Variants in GAMT observed in about 807,000 individuals in gnomAD.
The protein encoded by GAMT is epididymis secretory protein Li 20.
GAMT carries 26 observed loss-of-function variants against 26.9 expected under a neutral mutation model. The ratio of observed to expected loss-of-function variants is 0.97; its 90% confidence interval spans 0.71 to 1.34. GAMT has a LOEUF of 1.34. Ranked by LOEUF, GAMT falls within the 40% of genes most tolerant of loss-of-function variation. The pLI is 0.00. For synonymous variants in GAMT, 169 were observed against 149.6 expected (o/e 1.13, Z -0.95); for missense variants, 412 against 345.0 (o/e 1.19, Z -1.54).
In GAMT at chr19:1,399,205, G is replaced by C; in HGVS notation, c.392-10C>G. 1.2e-6 allele frequency: 2 copies of C among 1,613,372 alleles called. No individual in the cohort carries two copies. Among genetic ancestry groups the C allele is most frequent in the Non-Finnish European group, 1.7e-6 (2 of 1,179,968 alleles). On this transcript the variant is annotated splice_polypyrimidine_tract_variant and intron_variant, in intron 3 of 5. Coordinates refer to ENST00000252288, the MANE Select transcript of GAMT (RefSeq NM_000156.6). The surrounding 1 kb of genome is among the most constrained non-coding windows in gnomAD (Gnocchi z 6.2). ...GTGTCGTACAGGATCCCTGCACGGA[G>C]AACAGAAGCCCACGCGGTCAGGGCC... is the stretch of plus-strand genomic sequence containing the variant.
intron 5 of GAMT, 65 bp downstream of exon 5, chr19:1,398,851 G>C: frequency 6.3e-7 from 1 of 1,597,220 alleles, no homozygotes; most frequent in Non-Finnish European, 8.5e-7. Flanking sequence ...GGCTCCAGCA[G>C]CCCCTTCCCA....
chr19:1,401,193 G>C lies in GAMT; in HGVS notation c.181+103C>G, dbSNP rs1048930934. The C allele has an allele frequency of 3.8e-6, 4 of 1,039,602 alleles. No homozygotes were observed. In the African/African-American group the frequency reaches 6.7e-5, roughly 17 times the overall value. The allele number at this position is 1,039,602 out of a possible 1,614,324, so 64.4% of individuals were successfully genotyped here. Reference sequence around the variant, plus strand: ...CCACTTCCCAGGCGAGGAGACAGAGGCGCCCCGGCGGGAGGGTGGGCTGCA... The same window carrying C: ...CCACTTCCCAGGCGAGGAGACAGAGCCGCCCCGGCGGGAGGGTGGGCTGCA... On this transcript the variant is annotated intron_variant, in intron 1 of 5. Transcript: ENST00000252288.
Position 1,397,232 on chromosome 19 carries a change from A to T in GAMT, c.*127T>A. On this transcript the variant is annotated 3_prime_UTR_variant, in exon 6 of 6. Coordinates refer to ENST00000252288, the MANE Select transcript of GAMT (RefSeq NM_000156.6). ...CAGCCCTGGGCTGGTGGGACCCCTC[A>T]CAGAGAAGCCGGGAAAGCTTCTGGT... 1 of 1,188,630 alleles carries T rather than the reference A, an allele frequency of 8.4e-7. No individual in the cohort carries two copies. Among genetic ancestry groups the T allele is most frequent in the Non-Finnish European group, 1.2e-6 (1 of 846,636 alleles). 73.6% of individuals were successfully genotyped at this position (1,188,630 alleles called of 1,614,324 possible).
At chr19:1,397,544 C>G in intron 5 of GAMT, 45 bp from the exon 6 acceptor site, 2 of 1,596,326 alleles carry the variant, frequency 1.3e-6, no homozygotes, top group Admixed American at 1.7e-5. Flanking sequence ...CCATGGGGGT[C>G]ACGTGCACCC....
intron 5 of GAMT, chr19:1,398,374 A>G (rs2082612572): frequency 3.9e-6 from 1 of 258,152 alleles, no homozygotes; most frequent in Non-Finnish European, 7.4e-6. Context: ...CCGGGATCAC[A>G]GGTGTGAGCC....
chr19:1,398,578 G>A, intron 5 of GAMT: 2 of 675,060 alleles, frequency 3.0e-6, no homozygotes, highest in East Asian at 2.7e-5. Context: ...TGGGAGTACA[G>A]GCACACGCCA....
At chr19:1,398,869 C>G (rs745860636) in intron 5 of GAMT, 47 bp downstream of exon 5, 2 of 1,608,528 alleles carry the variant, frequency 1.2e-6, no homozygotes, top group African/African-American at 2.7e-5. Context: ...CCACCCCCAT[C>G]CAAGGTCACT....
rs114229164 is a variant in GAMT at position 1,398,783 on chromosome 19, C to A, written c.570+133G>T. Reference sequence around the variant, plus strand: ...CAAAGGACTTTGATTTCTAAATGAACCAGCACAGTCCAGCCCACCCAGGGG... The same window carrying A: ...CAAAGGACTTTGATTTCTAAATGAAACAGCACAGTCCAGCCCACCCAGGGG... On this transcript the variant is annotated intron_variant, in intron 5 of 5. Coordinates refer to ENST00000252288, the MANE Select transcript of GAMT (RefSeq NM_000156.6). 19 of 1,551,904 alleles carry A rather than the reference C, an allele frequency of 1.2e-5. No individual in the cohort carries two copies. In the East Asian group the frequency reaches 4.1e-4, roughly 34 times the overall value.
rs778991579 is a variant in GAMT at position 1,398,865 on chromosome 19, C to G, written c.570+51G>C. On this transcript the variant is annotated intron_variant, in intron 5 of 5. Coordinates refer to ENST00000252288, the MANE Select transcript of GAMT (RefSeq NM_000156.6). ...TGGCTCCAGCAGCCCCTTCCCACCCCCATCCAAGGTCACTTCCTGGAGACC... is the reference window on the plus strand; with the variant it reads ...TGGCTCCAGCAGCCCCTTCCCACCCGCATCCAAGGTCACTTCCTGGAGACC... 1.9e-6 allele frequency: 3 copies of G among 1,606,652 alleles called. No individual in the cohort carries two copies. In the East Asian group the frequency reaches 6.7e-5, roughly 36 times the overall value.
intron 5 of GAMT, chr19:1,398,582 C>G (rs2082614024): frequency 4.4e-6 from 3 of 684,050 alleles, no homozygotes; most frequent in Non-Finnish European, 2.4e-6. Flanking sequence ...AGTACAGGCA[C>G]ACGCCACCAC....
rs373479245 is a variant in GAMT, at chr19:1,397,431, C to T, written c.639G>A (p.Ala213=). ...AGCGGCAGTCGGCCGGTGGGACCAG[C>T]GCCATCACCTCCGTACGGATGTTCT... is the stretch of plus-strand genomic sequence containing the variant. ...RRENIRTEVM[A]LVPPADCRYY... The change falls in exon 6 of 6, where the codon GCG becomes GCA. Residue 213 remains alanine (A), a synonymous_variant. Transcript: ENST00000252288. 3.8e-5 allele frequency: 61 copies of T among 1,611,196 alleles called. No individual in the cohort carries two copies. The highest frequency in any genetic ancestry group is 1.1e-4 in the South Asian group (10 of 91,090).
intron 5 of GAMT, 136 bp downstream of exon 5, chr19:1,398,780 G>T: frequency 1.3e-6 from 2 of 1,551,408 alleles, no homozygotes; most frequent in Non-Finnish European, 1.7e-6. Flanking sequence ...ATTTCTAAAT[G>T]AACCAGCACA....
intron 5 of GAMT, chr19:1,398,450 T>C (rs977178528): frequency 2.4e-6 from 1 of 416,840 alleles, no homozygotes; most frequent in African/African-American, 2.1e-5. Flanking sequence ...CTTTCTTTTT[T>C]CTTGAGACAG....
At chr19:1,400,931 G>A (rs1386640803) in intron 1 of GAMT, among the ~76,000 whole-genome samples, 2 of 152,188 alleles carry the variant, frequency 1.3e-5, no homozygotes, top group African/African-American at 4.8e-5. Flanking sequence ...TCCCAGGCAG[G>A]CAGAAGGGCA....
chr19:1,399,292 A>G lies in GAMT; in HGVS notation c.392-97T>C. 4.3e-6 allele frequency: 6 copies of G among 1,388,282 alleles called. No homozygotes were observed. Among genetic ancestry groups the G allele is most frequent in the Non-Finnish European group, 6.1e-6 (6 of 978,032 alleles). The allele number at this position is 1,388,282 out of a possible 1,614,324, so 86.0% of individuals were successfully genotyped here. A position where few individuals can be genotyped will look rare whatever the true frequency, so the allele number is the denominator to read the frequency against. On this transcript the variant is annotated intron_variant, in intron 3 of 5. Coordinates refer to ENST00000252288, the MANE Select transcript of GAMT (RefSeq NM_000156.6). The surrounding 1 kb of genome is among the most constrained non-coding windows in gnomAD (Gnocchi z 6.2). ...CCCCAGCGGGTGGAGGTGCAGTGAG[A>G]CGGGGCCGTGGGTAGAGGTGGGGCT... is the stretch of plus-strand genomic sequence containing the variant.
In GAMT at chr19:1,399,843, C is replaced by A; in HGVS notation, c.277G>T (p.Asp93Tyr). The change falls in exon 2 of 6, where the codon GAC (aspartate) becomes TAC (tyrosine). Residue 93 changes from aspartate to tyrosine, a missense_variant. Physicochemically the swap from Asp to Tyr is radical, Grantham distance 160. Coordinates refer to ENST00000252288, the MANE Select transcript of GAMT (RefSeq NM_000156.6). This position sits in a 1 kb window ranked among gnomAD's most constrained non-coding sequence, Gnocchi z 6.2. ...IDEHWIIECNDGVFQRLRDWA... is the reference protein window; with the variant it reads ...IDEHWIIECNYGVFQRLRDWA... ...TCCCGGAGCCGCTGGAAGACGCCGT[C>A]ATTGCACTCGATGATCCAATGCTCA... The A allele has an allele frequency of 6.3e-7, 1 of 1,596,150 alleles. No individual in the cohort carries two copies. Among genetic ancestry groups the A allele is most frequent in the South Asian group, 1.1e-5 (1 of 88,268 alleles).
At chr19:1,398,737 C>T (rs1457531895) in intron 5 of GAMT, 179 bp downstream of exon 5, 1 of 1,545,230 alleles carries the variant, frequency 6.5e-7, no homozygotes, top group Admixed American at 2.0e-5. Flanking sequence ...AGCCACTGCT[C>T]CTGGCAGCCA....
At position 1,397,347 on chromosome 19, in the gene GAMT, C is replaced by T. The variant is rs780160249; in HGVS notation, c.*12G>A. The T allele has an allele frequency of 6.8e-6, 11 of 1,606,576 alleles. No homozygotes were observed. The highest frequency in any genetic ancestry group is 3.4e-5 in the Admixed American group (2 of 59,340). ...GAGGAGGGCATGGGTGTGGCCGGGC[C>T]GGGGTGGGGGCTCAGCCTTTGGTCA... On this transcript the variant is annotated 3_prime_UTR_variant, in exon 6 of 6. Coordinates refer to ENST00000252288, the MANE Select transcript of GAMT (RefSeq NM_000156.6).
At chr19:1,398,421 T>G (rs964666567) in intron 5 of GAMT, 1 of 294,592 alleles carries the variant, frequency 3.4e-6, no homozygotes, top group Middle Eastern at 9.7e-4. Context: ...TTTTTTAAAT[T>G]TTCTTTCTTT....
Sources: allele counts gnomAD v4.1 joint callset (sites outside exome capture counted in the v4.1 genomes callset), GRCh38; gene constraint gnomAD v4.1.1; non-coding constraint Gnocchi (gnomAD v3.1); transcripts MANE v1.5; gene names NCBI Gene and HGNC (gene_info 2026-07-23, HGNC 2026-07-21).